The following ING4 variants were observed in gnomAD, a reference collection of about 807,000 sequenced individuals.
ING4 encodes inhibitor of growth family member 4, also known as inhibitor of growth protein 4.
Under a neutral mutation model 33.1 loss-of-function variants are expected in ING4, and 28 were observed. That is an observed-to-expected ratio of 0.85 (90% CI 0.63 to 1.16). The LOEUF (loss-of-function observed/expected upper bound fraction) is 1.16. Among genes scored for constraint, ING4 ranks in the 50% most tolerant of loss-of-function variants. ING4 has a pLI of 0.00. For missense variants in ING4, 247 were observed against 314.7 expected, an observed-to-expected ratio of 0.78 and a Z score of 1.63; for synonymous variants, 87 against 104.4, an observed-to-expected ratio of 0.83 and a Z score of 1.02.
chr12:6,652,722 C>T lies in ING4; in HGVS notation c.437G>A (p.Gly146Glu), dbSNP rs1949224389. Reference sequence around the variant, plus strand: ...GGGGGCTTCTTCATCCGAGTTTTTCCCTTTGGAACGAGCACGAGCAGCTTT... The same window carrying T: ...GGGGGCTTCTTCATCCGAGTTTTTCTCTTTGGAACGAGCACGAGCAGCTTT... Reference protein sequence around the residue: ...EKKAARARSKGKNSDEEAPKT... With the variant: ...EKKAARARSKEKNSDEEAPKT... The change falls in exon 5 of 8, where the codon GGG becomes GAG. Residue 146 changes from glycine to glutamate, a missense_variant. Coordinates refer to ENST00000341550, the MANE Select transcript of ING4 (RefSeq NM_016162.4). 7 of 1,614,124 alleles carry T rather than the reference C, an allele frequency of 4.3e-6. No homozygotes were observed. The highest frequency in any genetic ancestry group is 5.9e-6 in the Non-Finnish European group (7 of 1,180,032).
At chr12:6,662,968 A>C (rs1486394402) in intron 1 of ING4, 97 bp downstream of exon 1, 1 of 1,311,396 alleles carries the variant, frequency 7.6e-7, no homozygotes, top group Non-Finnish European at 1.1e-6. Flanking sequence ...CATAATTGTG[A>C]CCTTCTCGTC....
At chr12:6,654,172 CTCTTA>C (rs926882149) in intron 2 of ING4, among the ~76,000 whole-genome samples, 6 of 152,046 alleles carry the variant, frequency 3.9e-5, no homozygotes, top group African/African-American at 1.4e-4. Flanking sequence ...CGCAGGTTCT[CTCTTA>C]TGTTTGTTGC....
intron 2 of ING4, chr12:6,655,783 G>A: frequency 2.2e-6 from 1 of 456,362 alleles, no homozygotes; most frequent in Non-Finnish European, 4.3e-6. Flanking sequence ...TACATAGAAT[G>A]AAGACAAGAC....
intron 1 of ING4, among the ~76,000 whole-genome samples, chr12:6,657,459 AC>A (rs978105334): frequency 6.6e-6 from 1 of 152,024 alleles, no homozygotes; most frequent in Non-Finnish European, 1.5e-5. Context: ...AAACAAACAA[AC>A]AAACAAACAA....
chr12:6,659,321 C>T (rs1427268620), intron 1 of ING4, among the ~76,000 whole-genome samples: 1 of 151,844 alleles, frequency 6.6e-6, no homozygotes, highest in African/African-American at 2.4e-5. Context: ...TTTGGGAGGC[C>T]GAGGCGGGTG....
At chr12:6,655,230 G>T (rs1445551177) in intron 2 of ING4, among the ~76,000 whole-genome samples, 1 of 151,930 alleles carries the variant, frequency 6.6e-6, no homozygotes, top group East Asian at 1.9e-4. Flanking sequence ...TTTTAGCAGA[G>T]ACAGGGTTTC....
At chr12:6,655,052 A>T (rs573002781) in intron 2 of ING4, among the ~76,000 whole-genome samples, 84 of 137,918 alleles carry the variant, frequency 6.1e-4, no homozygotes, top group Middle Eastern at 0.011. Flanking sequence ...TATTTTATTT[A>T]TTTTTTTTTG....
chr12:6,653,201 T>C (rs749832281), intron 3 of ING4, 29 bp downstream of exon 3: 58 of 1,611,970 alleles, frequency 3.6e-5, no homozygotes, highest in Non-Finnish European at 4.8e-5. Context: ...AGATGGGAAG[T>C]AGGTGGGGAG....
intron 2 of ING4, among the ~76,000 whole-genome samples, chr12:6,654,902 T>G (rs1448361202): frequency 2.6e-5 from 4 of 151,998 alleles, no homozygotes; most frequent in Non-Finnish European, 5.9e-5. Flanking sequence ...TTTTTGCATT[T>G]TTAGTAGAGA....
intron 1 of ING4, among the ~76,000 whole-genome samples, chr12:6,659,322 G>A (rs1433689757): frequency 1.3e-5 from 2 of 151,952 alleles, no homozygotes; most frequent in East Asian, 1.9e-4. Context: ...TTGGGAGGCC[G>A]AGGCGGGTGG....
At chr12:6,662,286 C>G (rs1949580157) in intron 1 of ING4, among the ~76,000 whole-genome samples, 1 of 152,130 alleles carries the variant, frequency 6.6e-6, no homozygotes, top group African/African-American at 2.4e-5. Context: ...GGTTGCCTAC[C>G]AAGTGTCCTT....
chr12:6,662,444 T>C (rs1195352201), intron 1 of ING4, among the ~76,000 whole-genome samples: 1 of 152,104 alleles, frequency 6.6e-6, no homozygotes, highest in South Asian at 2.1e-4. Context: ...GTCTGACCCA[T>C]AGCAGGACCT....
chr12:6,651,387 TG>T lies in ING4; in HGVS notation c.646-3del. On this transcript the variant is annotated splice_region_variant and splice_polypyrimidine_tract_variant and intron_variant, in intron 6 of 7. Coordinates refer to ENST00000341550, the MANE Select transcript of ING4 (RefSeq NM_016162.4). ...AAAATGGAACCACTCAATGGAACACTGGAAGAGGAAGAAAGAAGTAGTCAGG... is the reference window on the plus strand; with the variant it reads ...AAAATGGAACCACTCAATGGAACACTGAAGAGGAAGAAAGAAGTAGTCAGG... 1.2e-6 allele frequency: 2 copies of T among 1,613,736 alleles called. No homozygotes were observed. The highest frequency in any genetic ancestry group is 1.7e-6 in the Non-Finnish European group (2 of 1,179,748).
At chr12:6,651,412 GGGGCCAGGAA>G (rs767261395) in intron 6 of ING4, 27 bp from the exon 7 acceptor site, 1 of 1,605,758 alleles carries the variant, frequency 6.2e-7, no homozygotes, top group Admixed American at 1.7e-5. Context: ...GAAGTAGTCA[GGGGCCAGGAA>G]GGGCCAGAGG....
In ING4 at chr12:6,653,030, C is replaced by G; in HGVS notation, c.297G>C (p.Arg99=). Residue 99 remains arginine, a synonymous_variant, in exon 4 of 8, where the codon CGG becomes CGC. Coordinates refer to ENST00000341550, the MANE Select transcript of ING4 (RefSeq NM_016162.4). ...TYEMVDKHIR[R]LDTDLARFEA... is the part of the protein sequence containing the mutation. ...CAAAACGGGCCAGGTCTGTGTCCAGCCGCCGAATGTGTTTGTCCACCTGGG... is the reference window on the plus strand; with the variant it reads ...CAAAACGGGCCAGGTCTGTGTCCAGGCGCCGAATGTGTTTGTCCACCTGGG... The G allele has an allele frequency of 6.2e-7, 1 of 1,614,066 alleles. No homozygotes were observed.
intron 2 of ING4, among the ~76,000 whole-genome samples, chr12:6,653,800 G>A (rs115808834): frequency 0.018 from 2,817 of 152,280 alleles, 84 homozygotes; most frequent in African/African-American, 0.064. Flanking sequence ...CGCAAATCAG[G>A]CTGAGTCATC....
chr12:6,651,418 AG>A, intron 6 of ING4, 33 bp from the exon 7 acceptor site: 1 of 1,578,348 alleles, frequency 6.3e-7, no homozygotes, highest in Non-Finnish European at 8.7e-7. Flanking sequence ...GTCAGGGGCC[AG>A]GAAGGGCCAG....
chr12:6,659,804 C>T, intron 1 of ING4, among the ~76,000 whole-genome samples: 1 of 143,860 alleles, frequency 7.0e-6, no homozygotes, highest in South Asian at 2.2e-4. Flanking sequence ...CAGAGCGAGA[C>T]TCTGTCTCAA....
intron 2 of ING4, 120 bp from the exon 3 acceptor site, chr12:6,653,516 C>T (rs1949252165): frequency 3.1e-6 from 3 of 980,670 alleles, no homozygotes; most frequent in African/African-American, 3.3e-5. Context: ...CTAAAAAGTA[C>T]TGAATGTTCA....
Sources: gnomAD v4.1 joint callset for allele counts (sites outside exome capture counted in the v4.1 genomes callset) on GRCh38, gnomAD v4.1.1 for gene constraint, MANE v1.5 for transcripts, NCBI Gene and HGNC (gene_info 2026-07-23, HGNC 2026-07-21) for gene names.